DRD3: variants seen among roughly 807,000 people sequenced by gnomAD.
The protein encoded by DRD3 is D(3) dopamine receptor.
A neutral mutation model predicts 36.3 loss-of-function variants in DRD3; 19 were observed. That is an observed-to-expected ratio of 0.52 (90% CI 0.36 to 0.77). The LOEUF (loss-of-function observed/expected upper bound fraction) is 0.77. Among genes scored for constraint, DRD3 ranks in the 30% least tolerant of loss-of-function variants. The pLI is 0.00. For missense variants in DRD3, 465 were observed against 505.3 expected (o/e 0.92, Z 0.77); for synonymous variants, 195 against 203.7 (o/e 0.96, Z 0.36).
At chr3:114,171,283 A>AT (rs2077838188) in intron 2 of DRD3, among the ~76,000 whole-genome samples, 7 of 149,654 alleles carry the variant, frequency 4.7e-5, no homozygotes, top group Admixed American at 3.3e-4. Context: ...TACATTCACT[A>AT]ATTTTTTTTT....
In DRD3 at chr3:114,146,419, G is replaced by A. The variant is rs1216674597; in HGVS notation, c.526+996C>T. Among the ~76,000 whole-genome samples the A allele has an allele frequency of 2.0e-5, 3 of 152,080 alleles. No homozygotes were observed. In the East Asian group the frequency reaches 5.8e-4, roughly 29 times the overall value. On this transcript the variant is annotated intron_variant, in intron 4 of 6. Coordinates refer to ENST00000383673, the MANE Select transcript of DRD3 (RefSeq NM_000796.6). ...TGGTTTAATACCTTTCATTCGACAC[G>A]TTAAATTACTGAGGCTGGCCGAACG...
intron 3 of DRD3, among the ~76,000 whole-genome samples, chr3:114,150,478 A>T (rs1050782292): frequency 3.3e-5 from 5 of 152,230 alleles, no homozygotes; most frequent in Non-Finnish European, 7.3e-5. Context: ...TTACTTCAGG[A>T]TCAAATCTTC....
chr3:114,131,788 G>A (rs1020327221), intron 5 of DRD3, among the ~76,000 whole-genome samples: 1 of 152,246 alleles, frequency 6.6e-6, no homozygotes, highest in Non-Finnish European at 1.5e-5. Flanking sequence ...AGACATTTAT[G>A]CAGCCAACAA....
chr3:114,185,637 T>G (rs569398617), intron 1 of DRD3, among the ~76,000 whole-genome samples: 30 of 151,568 alleles, frequency 2.0e-4, no homozygotes, highest in African/African-American at 7.3e-4. Flanking sequence ...AAAAAAAAAA[T>G]TGAATGTGCC....
intron 2 of DRD3, among the ~76,000 whole-genome samples, chr3:114,167,581 G>A (rs564601781): frequency 1.5e-4 from 23 of 152,294 alleles, no homozygotes; most frequent in African/African-American, 5.3e-4. Context: ...ACTGAAGCAC[G>A]TCAGTGACTG....
intron 5 of DRD3, among the ~76,000 whole-genome samples, chr3:114,136,675 T>G (rs1433145436): frequency 6.6e-6 from 1 of 152,210 alleles, no homozygotes; most frequent in Non-Finnish European, 1.5e-5. Flanking sequence ...TATACTGAGA[T>G]TGAACAAAGC....
intron 2 of DRD3, among the ~76,000 whole-genome samples, chr3:114,170,840 A>G (rs1275078871): frequency 1.3e-5 from 2 of 152,210 alleles, no homozygotes. Flanking sequence ...CTTTAAAATG[A>G]CACACAGTGC....
Position 114,128,559 on chromosome 3 carries a change from T to C in DRD3, c.*157A>G. The stretch of plus-strand genomic sequence containing the variant: ...GCTGGGGAGGTAGAATATTCTGTTT[T>C]GGAGGACACATCTGGTTATACCTGA... On this transcript the variant is annotated 3_prime_UTR_variant, in exon 7 of 7. Transcript: ENST00000383673. 2 of 625,814 alleles carry C rather than the reference T, an allele frequency of 3.2e-6. No individual in the cohort carries two copies. Among genetic ancestry groups the C allele is most frequent in the Non-Finnish European group, 5.0e-6 (2 of 396,876 alleles). The allele number at this position is 625,814 out of a possible 1,614,324, so 38.8% of individuals were successfully genotyped here. A position where few individuals can be genotyped will look rare whatever the true frequency, so the allele number is the denominator to read the frequency against.
At chr3:114,149,379 AT>A (rs1354714109) in intron 3 of DRD3, among the ~76,000 whole-genome samples, 1 of 152,118 alleles carries the variant, frequency 6.6e-6, no homozygotes, top group Non-Finnish European at 1.5e-5. Context: ...TTATCCACCT[AT>A]CCCTTTCCTG....
At chr3:114,187,655 T>C (rs140139658) in intron 1 of DRD3, among the ~76,000 whole-genome samples, 2 of 152,256 alleles carry the variant, frequency 1.3e-5, no homozygotes, top group African/African-American at 4.8e-5. Flanking sequence ...AATATTACTA[T>C]CCAAGAAGGG....
At chr3:114,176,153 C>G (rs1385094384) in intron 1 of DRD3, 1 of 152,204 alleles carries the variant, frequency 6.6e-6, no homozygotes, top group South Asian at 2.1e-4. Flanking sequence ...CTCCTTAGCA[C>G]CTCATTAAGA....
chr3:114,130,157 G>T (rs1017905996), intron 6 of DRD3, among the ~76,000 whole-genome samples: 3 of 152,154 alleles, frequency 2.0e-5, no homozygotes, highest in Non-Finnish European at 4.4e-5. Context: ...TACTCGGGAG[G>T]CTCAGGCAGG....
chr3:114,162,595 G>A (rs1239924698), intron 2 of DRD3, among the ~76,000 whole-genome samples: 2 of 152,168 alleles, frequency 1.3e-5, no homozygotes, highest in Non-Finnish European at 2.9e-5. Flanking sequence ...TACATACGTG[G>A]CCTCTATTGC....
chr3:114,184,124 T>G (rs1390444448), intron 1 of DRD3, among the ~76,000 whole-genome samples: 3 of 152,174 alleles, frequency 2.0e-5, no homozygotes, highest in Non-Finnish European at 4.4e-5. Flanking sequence ...TCCTTTTGTT[T>G]ATATTCCTTA....
At chr3:114,167,620 A>C (rs1361604720) in intron 2 of DRD3, among the ~76,000 whole-genome samples, 2 of 152,168 alleles carry the variant, frequency 1.3e-5, no homozygotes, top group Admixed American at 6.5e-5. Flanking sequence ...ATATATGCCC[A>C]AGTGAAGGCT....
chr3:114,128,599 C>G lies in DRD3; in HGVS notation c.*117G>C. 9.3e-7 allele frequency: 1 copy of G among 1,070,034 alleles called. No individual in the cohort carries two copies. The highest frequency in any genetic ancestry group is 3.5e-4 in the Middle Eastern group (1 of 2,884). 66.3% of individuals were successfully genotyped at this position (1,070,034 alleles called of 1,614,324 possible). A position where few individuals can be genotyped will look rare whatever the true frequency, so the allele number is the denominator to read the frequency against. On this transcript the variant is annotated 3_prime_UTR_variant, in exon 7 of 7. Transcript: ENST00000383673. Reference sequence around the variant, plus strand: ...GTTATACCTGACAAGCAGGGACATCCTGGCTCCAGGAATCTTCTTCCTACT... The same window carrying G: ...GTTATACCTGACAAGCAGGGACATCGTGGCTCCAGGAATCTTCTTCCTACT...
chr3:114,136,485 G>A (rs577966921), intron 5 of DRD3, among the ~76,000 whole-genome samples: 1 of 152,074 alleles, frequency 6.6e-6, no homozygotes, highest in African/African-American at 2.4e-5. Flanking sequence ...CCACACTCTT[G>A]GAAATGCCAG....
intron 1 of DRD3, among the ~76,000 whole-genome samples, chr3:114,192,399 A>C (rs2078015638): frequency 6.6e-6 from 1 of 152,178 alleles, no homozygotes; most frequent in African/African-American, 2.4e-5. Context: ...ATTGTGGGCC[A>C]AAGTTCTGTA....
At chr3:114,183,908 T>C (rs138225573), upstream of DRD3, among the ~76,000 whole-genome samples, 94 of 152,236 alleles carry the variant, frequency 6.2e-4, 1 homozygote, top group Middle Eastern at 0.014. Context: ...GTGTTTTTTA[T>C]CCATTCTGCT....
Sources: allele counts gnomAD v4.1 joint callset (sites outside exome capture counted in the v4.1 genomes callset), GRCh38; gene constraint gnomAD v4.1.1; transcripts MANE v1.5; gene names NCBI Gene and HGNC (gene_info 2026-07-23, HGNC 2026-07-21).